Variants in DNAH14 observed in about 807,000 individuals in gnomAD.
DNAH14 encodes the protein axonemal beta dynein heavy chain 14.
A neutral mutation model predicts 520.9 loss-of-function variants in DNAH14; 478 were observed. The observed-to-expected ratio is 0.92, with a 90% CI of 0.85 to 0.99. DNAH14 has a LOEUF of 0.99. DNAH14 is among the 50% of genes least tolerant of loss of function. The pLI is 0.00. For missense variants in DNAH14, 4,831 were observed against 5,234.5 expected (o/e 0.92, Z 2.38); for synonymous variants, 1,581 against 1,757.2 (o/e 0.90, Z 2.51).
In DNAH14 at chr1:224,964,468, T is replaced by C. The variant is rs1365698761; in HGVS notation, c.368-11T>C. ...GCACTTATACTGGATTTTTAAATTGTTCTATACCAGAACCAAAAGATGATG... is the reference window on the plus strand; with the variant it reads ...GCACTTATACTGGATTTTTAAATTGCTCTATACCAGAACCAAAAGATGATG... On this transcript the variant is annotated splice_polypyrimidine_tract_variant and intron_variant, in intron 4 of 85. Coordinates refer to ENST00000682510, the MANE Select transcript of DNAH14 (RefSeq NM_001367479.1). 1 of 1,603,902 alleles carries C rather than the reference T, an allele frequency of 6.2e-7. No individual in the cohort carries two copies. The highest frequency in any genetic ancestry group is 2.2e-5 in the East Asian group (1 of 44,588).
chr1:225,237,967 GT>G (rs1417376392), intron 42 of DNAH14, among the ~76,000 whole-genome samples: 1 of 152,110 alleles, frequency 6.6e-6, no homozygotes, highest in Non-Finnish European at 1.5e-5. Flanking sequence ...GCTTTATCAG[GT>G]TGGTTATGTT....
chr1:225,011,992 T>G (rs2064812105), intron 10 of DNAH14, among the ~76,000 whole-genome samples: 1 of 152,112 alleles, frequency 6.6e-6, no homozygotes, highest in Non-Finnish European at 1.5e-5. Flanking sequence ...ATCTTGTCAT[T>G]ATGATGCTAG....
At chr1:224,937,141 A>G (rs573572981) in intron 1 of DNAH14, among the ~76,000 whole-genome samples, 1 of 150,886 alleles carries the variant, frequency 6.6e-6, no homozygotes, top group Non-Finnish European at 1.5e-5. Flanking sequence ...TCCACTAAGA[A>G]GTAGAACAAG....
At chr1:225,199,624 T>A (rs1194224946) in intron 38 of DNAH14, among the ~76,000 whole-genome samples, 1 of 152,226 alleles carries the variant, frequency 6.6e-6, no homozygotes, top group Non-Finnish European at 1.5e-5. Flanking sequence ...GTTATTTAAT[T>A]TCCATGTATT....
chr1:225,220,536 T>C (rs983811960), intron 41 of DNAH14, among the ~76,000 whole-genome samples: 1 of 152,046 alleles, frequency 6.6e-6, no homozygotes, highest in Non-Finnish European at 1.5e-5. Context: ...AAATCATGAG[T>C]GAACTCTTAT....
chr1:225,209,230 A>G (rs940221816), intron 41 of DNAH14, among the ~76,000 whole-genome samples: 1 of 152,210 alleles, frequency 6.6e-6, no homozygotes, highest in Non-Finnish European at 1.5e-5. Flanking sequence ...ATACCTGGAA[A>G]TGGGCATACT....
At chr1:225,193,297 A>C (rs553020143) in intron 38 of DNAH14, among the ~76,000 whole-genome samples, 1 of 152,278 alleles carries the variant, frequency 6.6e-6, no homozygotes, top group African/African-American at 2.4e-5. Context: ...AATAGATACA[A>C]GTGGCAAAAA....
At chr1:225,394,138 G>T (rs2150881982) in intron 84 of DNAH14, among the ~76,000 whole-genome samples, 2 of 152,196 alleles carry the variant, frequency 1.3e-5, no homozygotes, top group Middle Eastern at 6.8e-3. Context: ...TTATCTTTAT[G>T]ATTTTAAATT....
chr1:225,282,353 C>T lies in DNAH14; in HGVS notation c.8271+4851C>T, dbSNP rs780536625. Among the ~76,000 whole-genome samples the T allele has an allele frequency of 2.2e-4, 33 of 152,312 alleles. 1 individual carries two copies. The highest frequency in any genetic ancestry group is 6.8e-3 in the Middle Eastern group (2 of 294). On this transcript the variant is annotated intron_variant, in intron 54 of 85. Transcript: ENST00000682510. ...AAGCCATCAGGCCCCTTCTTCTATA[C>T]GCATTTTAAGGGAATCTTTAGCTTC... is the stretch of plus-strand genomic sequence containing the variant.
chr1:225,043,927 G>T lies in DNAH14; in HGVS notation c.1856G>T (p.Arg619Ile). 6.6e-7 allele frequency: 1 copy of T among 1,526,674 alleles called. No homozygotes were observed. Among genetic ancestry groups the T allele is most frequent in the Admixed American group, 2.0e-5 (1 of 48,900 alleles). The allele number at this position is 1,526,674 out of a possible 1,614,324, so 94.6% of individuals were successfully genotyped here. Residue 619 changes from arginine to isoleucine, a missense_variant, in exon 15 of 86, where the codon AGA (arginine) becomes ATA (isoleucine). Physicochemically the swap from Arg to Ile is moderately conservative, Grantham distance 97. Transcript: ENST00000682510. ...ACAAATCTCTTTATAGATCCCAACA[G>T]ATTGGAGTTTTCAGTAAAAATTCAA... Reference protein sequence around the residue: ...FPTNLFIDPNRLEFSVKIQNM... With the variant: ...FPTNLFIDPNILEFSVKIQNM...
intron 11 of DNAH14, chr1:225,024,723 T>C (rs895138200): frequency 1.3e-5 from 2 of 152,180 alleles, no homozygotes; most frequent in South Asian, 2.1e-4. Flanking sequence ...TTCTAACCTA[T>C]GTAAGAACAC....
intron 11 of DNAH14, among the ~76,000 whole-genome samples, chr1:225,027,907 A>G (rs1026818234): frequency 6.6e-6 from 1 of 150,676 alleles, no homozygotes; most frequent in African/African-American, 2.4e-5. Context: ...TATGTCTTTT[A>G]CTTTATTAAT....
At chr1:225,300,426 C>T (rs543167750) in intron 55 of DNAH14, among the ~76,000 whole-genome samples, 1 of 152,086 alleles carries the variant, frequency 6.6e-6, no homozygotes, top group East Asian at 1.9e-4. Context: ...TGAATGAAAA[C>T]GTTAGTTTTA....
intron 31 of DNAH14, among the ~76,000 whole-genome samples, chr1:225,151,512 C>T (rs964536083): frequency 1.1e-4 from 16 of 152,182 alleles, no homozygotes; most frequent in South Asian, 1.0e-3. Context: ...ATTGTCTCTA[C>T]CACTGATGCT....
rs1051965673 is a variant in DNAH14 at position 225,100,840 on chromosome 1, C to T, written c.3823C>T (p.Gln1275Ter). 14 of 1,529,668 alleles carry T rather than the reference C, an allele frequency of 9.2e-6. No homozygotes were observed. In the African/African-American group the frequency reaches 2.0e-4, roughly 21 times the overall value. 94.8% of individuals were successfully genotyped at this position (1,529,668 alleles called of 1,614,324 possible). A position where few individuals can be genotyped will look rare whatever the true frequency, so the allele number is the denominator to read the frequency against. ...TTSAGVLEIL[Q>*]NCNIHLEHIK... ...TTCTGCAGGAGTCCTTGAAATTCTGCAAAATTGTAATATACATCTTGAACA... is the reference window on the plus strand; with the variant it reads ...TTCTGCAGGAGTCCTTGAAATTCTGTAAAATTGTAATATACATCTTGAACA... Residue 1275 changes from glutamine to a stop codon, truncating the protein, a stop_gained, in exon 23 of 86, where the codon CAA becomes TAA. Transcript: ENST00000682510. LOFTEE classifies it high-confidence loss of function.
Position 225,277,493 on chromosome 1 carries a change from CAT to C in DNAH14, c.8263_8264del (p.Met2755ValfsTer23). 2.1e-6 allele frequency: 1 copy of C among 470,952 alleles called. No homozygotes were observed. The highest frequency in any genetic ancestry group is 4.4e-6 in the Non-Finnish European group (1 of 226,972). 29.2% of individuals were successfully genotyped at this position (470,952 alleles called of 1,614,324 possible). On this transcript the variant is annotated frameshift_variant, in exon 54 of 86. Transcript: ENST00000682510. LOFTEE classifies it high-confidence loss of function. ...TRVLRQPGSH[M>X]LLIGIDGCGK... ...GGGTTCTTCGACAACCAGGGAGTCA[CAT>C]GTTACTGGTAGGAATTTAAATTTTT...
intron 54 of DNAH14, among the ~76,000 whole-genome samples, chr1:225,281,593 A>G (rs1227726864): frequency 6.6e-6 from 1 of 151,252 alleles, no homozygotes; most frequent in Non-Finnish European, 1.5e-5. Context: ...GACTATGTAA[A>G]TATATTTTTC....
Position 225,369,007 on chromosome 1 carries a change from T to C in DNAH14, c.12318+975T>C, listed in dbSNP as rs555912545. Among the ~76,000 whole-genome samples the C allele has an allele frequency of 7.3e-4, 111 of 152,270 alleles. 1 individual carries two copies. Among genetic ancestry groups the C allele is most frequent in the African/African-American group, 2.4e-3 (98 of 41,538 alleles). ...AGGCAGATAATATATTAGGGGGAAA[T>C]ATTTGAACCATATATTAGACATGTT... On this transcript the variant is annotated intron_variant, in intron 77 of 85. Coordinates refer to ENST00000682510, the MANE Select transcript of DNAH14 (RefSeq NM_001367479.1).
At chr1:225,180,813 T>C (rs1197915971) in intron 36 of DNAH14, among the ~76,000 whole-genome samples, 1 of 152,212 alleles carries the variant, frequency 6.6e-6, no homozygotes, top group Admixed American at 6.5e-5. Flanking sequence ...GACCCTCTAA[T>C]GCATTATTTT....
Sources: gnomAD v4.1 joint callset for allele counts (sites outside exome capture counted in the v4.1 genomes callset) on GRCh38, gnomAD v4.1.1 for gene constraint, MANE v1.5 for transcripts, NCBI Gene and HGNC (gene_info 2026-07-23, HGNC 2026-07-21) for gene names.